Variants in KLRD1 observed in about 807,000 individuals in gnomAD.
The protein encoded by KLRD1 is natural killer cells antigen CD94.
In KLRD1, 21 loss-of-function variants were observed where a neutral mutation model predicts 22.6. The observed-to-expected ratio is 0.93, with a 90% confidence interval of 0.66 to 1.34. The LOEUF (loss-of-function observed/expected upper bound fraction) is 1.34, where lower values mean the gene tolerates loss of function less well. KLRD1 is among the 40% of genes most tolerant of loss of function. KLRD1 has a pLI of 0.00. For missense variants in KLRD1, 183 were observed against 208.6 expected (o/e 0.88, Z 0.76); for synonymous variants, 59 against 71.1 (o/e 0.83, Z 0.85).
chr12:10,294,270 C>T (rs182099483), intron 1 of KLRD1, among the ~76,000 whole-genome samples: 1 of 152,126 alleles, frequency 6.6e-6, no homozygotes, highest in African/African-American at 2.4e-5. Flanking sequence ...TCAGGAAGAT[C>T]CATCTTAAGA....
At chr12:10,307,494 A>C (rs1325622997), upstream of KLRD1, among the ~76,000 whole-genome samples, 5 of 152,160 alleles carry the variant, frequency 3.3e-5, no homozygotes, top group Admixed American at 2.0e-4. Flanking sequence ...GATAGATTGA[A>C]GATATTTATA....
chr12:10,311,420 T>A, intron 3 of KLRD1, 44 bp from the exon 4 acceptor site: 1 of 1,560,588 alleles, frequency 6.4e-7, no homozygotes, highest in Non-Finnish European at 8.7e-7. Flanking sequence ...GAAAAAAATG[T>A]CTAGTCTCCA....
rs886184492 is a variant in KLRD1, at chr12:10,323,942, A to G, written c.*9149A>G. On this transcript the variant is annotated 3_prime_UTR_variant, in exon 6 of 6. Coordinates refer to ENST00000336164, the MANE Select transcript of KLRD1 (RefSeq NM_002262.5). ...AGTGGTGTGATCTCAGCTCACTGCA[A>G]CCTTCACCACCTGGGTTCAAGTTAT... 1 of 142,270 alleles carries G rather than the reference A, an allele frequency of 7.0e-6. No individual in the cohort carries two copies. The highest frequency in any genetic ancestry group is 2.1e-4 in the East Asian group (1 of 4,812). 8.8% of individuals were successfully genotyped at this position (142,270 alleles called of 1,614,324 possible).
chr12:10,298,075 A>G (rs1448178895), intron 1 of KLRD1, among the ~76,000 whole-genome samples: 1 of 152,188 alleles, frequency 6.6e-6, no homozygotes, highest in Non-Finnish European at 1.5e-5. Context: ...ACTTAAATTG[A>G]TAGTCTTATT....
At position 10,324,106 on chromosome 12, in the gene KLRD1, C is replaced by T. The variant is rs1365344138; in HGVS notation, c.*9313C>T. 1.3e-5 allele frequency: 2 copies of T among 152,180 alleles called. No individual in the cohort carries two copies. The highest frequency in any genetic ancestry group is 2.9e-5 in the Non-Finnish European group (2 of 68,068). The allele number at this position is 152,180 out of a possible 1,614,324, so 9.4% of individuals were successfully genotyped here. On this transcript the variant is annotated 3_prime_UTR_variant, in exon 6 of 6. Coordinates refer to ENST00000336164, the MANE Select transcript of KLRD1 (RefSeq NM_002262.5). The stretch of plus-strand genomic sequence containing the variant: ...TGAACTCCTGACCTCAACTGCTCCA[C>T]CTGCCTTGACCTCCCAAAGTGCTGG...
rs1208266931 is a variant in KLRD1 at position 10,325,257 on chromosome 12, C to T, written c.*10464C>T. 6.6e-6 allele frequency: 1 copy of T among 151,966 alleles called. No homozygotes were observed. Among genetic ancestry groups the T allele is most frequent in the East Asian group, 1.9e-4 (1 of 5,180 alleles). 9.4% of individuals were successfully genotyped at this position (151,966 alleles called of 1,614,324 possible). On this transcript the variant is annotated 3_prime_UTR_variant, in exon 6 of 6. Coordinates refer to ENST00000336164, the MANE Select transcript of KLRD1 (RefSeq NM_002262.5). ...TTTTATTAAATGTTTTATTCTGCCT[C>T]GATTGAAATCAGATAGTTTTTATTT...
At chr12:10,242,269 C>A (rs1218672797) in intron 1 of KLRD1, among the ~76,000 whole-genome samples, 2 of 152,088 alleles carry the variant, frequency 1.3e-5, no homozygotes, top group East Asian at 3.9e-4. Flanking sequence ...TTTCATTTTA[C>A]TAATGTGGGA....
At chr12:10,244,050 G>T (rs149496877) in intron 1 of KLRD1, among the ~76,000 whole-genome samples, 1 of 151,976 alleles carries the variant, frequency 6.6e-6, no homozygotes, top group African/African-American at 2.4e-5. Flanking sequence ...GTGGGCTTCC[G>T]GTTTCTCTTT....
In KLRD1 at chr12:10,309,469, T is replaced by C. The variant is rs1478083036; in HGVS notation, c.89T>C (p.Leu30Ser). Residue 30 changes from leucine (L) to serine (S), a missense_variant, in exon 2 of 6, where the codon TTG (leucine) becomes TCG (serine). Transcript: ENST00000336164. ...CLSLMSTLGI[L>S]LKNSFTKLSI... is the part of the protein sequence containing the mutation. ...TCGTTGATGTCTACGTTGGGAATTT[T>C]GTTGAAAAATTGTAAGTTTTTCTAA... is the stretch of plus-strand genomic sequence containing the variant. The C allele has an allele frequency of 2.7e-6, 4 of 1,506,674 alleles. No homozygotes were observed. The African/African-American group carries it at 5.5e-5, about 21-fold the overall frequency. 93.3% of individuals were successfully genotyped at this position (1,506,674 alleles called of 1,614,324 possible).
Position 10,309,380 on chromosome 12 carries a change from C to T in KLRD1, c.8-8C>T. The T allele has an allele frequency of 7.5e-7, 1 of 1,330,698 alleles. No homozygotes were observed. The highest frequency in any genetic ancestry group is 1.1e-6 in the Non-Finnish European group (1 of 924,034). 82.4% of individuals were successfully genotyped at this position (1,330,698 alleles called of 1,614,324 possible). On this transcript the variant is annotated splice_polypyrimidine_tract_variant and splice_region_variant and intron_variant, in intron 1 of 5. Transcript: ENST00000336164. ...TTAAGTCATTACTCTGTCTGTCTTT[C>T]TCTACAGTGTTTAAGACCACTCTGT...
chr12:10,312,813 A>G (rs112465335), intron 4 of KLRD1, among the ~76,000 whole-genome samples: 45 of 151,114 alleles, frequency 3.0e-4, no homozygotes, highest in African/African-American at 4.6e-4. Flanking sequence ...CGGTGAAACC[A>G]CGTCTCTACT....
intron 1 of KLRD1, among the ~76,000 whole-genome samples, chr12:10,274,275 AT>A (rs1296622365): frequency 6.6e-6 from 1 of 152,024 alleles, no homozygotes; most frequent in African/African-American, 2.4e-5. Flanking sequence ...TTGAAACTCC[AT>A]TTCAAAAAAA....
At position 10,266,865 on chromosome 12, in the gene KLRD1, C is replaced by CTTTTTTT. The variant is rs148285255; in HGVS notation, c.-101+40634_-101+40640dup. ...TGTGAAATCACTTACAGCCTTATTTCTTTTTTTTGTTTTTGAGTTACATAA... is the reference window on the plus strand; with the variant it reads ...TGTGAAATCACTTACAGCCTTATTTCTTTTTTTTTTTTTTTGTTTTTGAGTTACATAA... On this transcript the variant is annotated intron_variant, in intron 1 of 5. Transcript: ENST00000544747. Among the ~76,000 whole-genome samples, 2 of 142,530 alleles carry CTTTTTTT rather than the reference C, an allele frequency of 1.4e-5. 1 individual carries two copies. The allele number at this position is 142,530 out of a possible 152,430, so 93.5% of individuals were successfully genotyped here.
intron 1 of KLRD1, among the ~76,000 whole-genome samples, chr12:10,284,854 G>T (rs1236586802): frequency 6.6e-6 from 1 of 152,086 alleles, no homozygotes; most frequent in Non-Finnish European, 1.5e-5. Context: ...GGTGGTGCAT[G>T]CCTGTAATCC....
chr12:10,266,308 C>T (rs1949498366), intron 1 of KLRD1, among the ~76,000 whole-genome samples: 1 of 151,910 alleles, frequency 6.6e-6, no homozygotes, highest in African/African-American at 2.4e-5. Flanking sequence ...TGAGAGGGTC[C>T]ATTCTCCACA....
At chr12:10,268,725 T>C (rs571637008) in intron 1 of KLRD1, among the ~76,000 whole-genome samples, 1 of 152,224 alleles carries the variant, frequency 6.6e-6, no homozygotes, top group Non-Finnish European at 1.5e-5. Flanking sequence ...CTAATAGTTA[T>C]AGCAGTCATC....
intron 1 of KLRD1, among the ~76,000 whole-genome samples, chr12:10,264,250 G>A (rs187463879): frequency 6.6e-6 from 1 of 152,118 alleles, no homozygotes; most frequent in Non-Finnish European, 1.5e-5. Flanking sequence ...TTTGATGCAG[G>A]GAACTACTTC....
chr12:10,274,287 A>T (rs1424330581), intron 1 of KLRD1, among the ~76,000 whole-genome samples: 1 of 152,052 alleles, frequency 6.6e-6, no homozygotes, highest in Non-Finnish European at 1.5e-5. Flanking sequence ...TTCAAAAAAA[A>T]ATTTTTTTTT....
chr12:10,264,755 A>G (rs553059483), intron 1 of KLRD1, among the ~76,000 whole-genome samples: 11 of 152,056 alleles, frequency 7.2e-5, no homozygotes, highest in Non-Finnish European at 1.2e-4. Context: ...AGTCCAATAC[A>G]TTATTGTTAA....
Sources: allele counts gnomAD v4.1 joint callset (sites outside exome capture counted in the v4.1 genomes callset), GRCh38; gene constraint gnomAD v4.1.1; transcripts MANE v1.5; gene names NCBI Gene and HGNC (gene_info 2026-07-23, HGNC 2026-07-21).